The following KIF23 variants were observed in gnomAD, a reference collection of about 807,000 sequenced individuals.
The protein encoded by KIF23 is kinesin-like protein KIF23.
KIF23 carries 30 observed loss-of-function variants against 137.5 expected under a neutral mutation model. The ratio of observed to expected loss-of-function variants is 0.22; its 90% CI spans 0.16 to 0.30. The LOEUF is 0.30. Among genes scored for constraint, KIF23 ranks in the 10% least tolerant of loss-of-function variants. KIF23 has a pLI of 1.00. For missense variants in KIF23, 920 were observed against 1,194.3 expected (o/e 0.77, Z 3.38); for synonymous variants, 367 against 391.1 (o/e 0.94, Z 0.73).
intron 2 of KIF23, among the ~76,000 whole-genome samples, chr15:69,416,310 T>C (rs2056906134): frequency 6.6e-6 from 1 of 152,202 alleles, no homozygotes; most frequent in Admixed American, 6.5e-5. Context: ...CTTCTGTAAT[T>C]ATAATTTGGA....
In KIF23 at chr15:69,440,389, A is replaced by G. The variant is rs2140398952; in HGVS notation, c.2011A>G (p.Ile671Val). ...TGAAAAGCTGAAACAACTGAAGGCT[A>G]TTGTTACCGAACCTAAAACTGAGAA... ...KDEKLKQLKA[I>V]VTEPKTEKPE... The change falls in exon 18 of 24, where the codon ATT becomes GTT. Residue 671 changes from isoleucine to valine, a missense_variant. Ile to Val is a conservative substitution (Grantham distance 29). This residue lies in a region of KIF23 where 714 missense variants were observed against 866.2 expected (regional missense o/e 0.82). Transcript: ENST00000679126. The G allele has an allele frequency of 6.2e-7, 1 of 1,614,080 alleles. No homozygotes were observed. Among genetic ancestry groups the G allele is most frequent in the Non-Finnish European group, 8.5e-7 (1 of 1,179,996 alleles).
Position 69,414,358 on chromosome 15 carries a change from C to G in KIF23, c.-108C>G. 1 of 1,482,780 alleles carries G rather than the reference C, an allele frequency of 6.7e-7. No homozygotes were observed. The highest frequency in any genetic ancestry group is 1.2e-5 in the South Asian group (1 of 80,116). The allele number at this position is 1,482,780 out of a possible 1,614,324, so 91.9% of individuals were successfully genotyped here. On this transcript the variant is annotated 5_prime_UTR_variant, in exon 1 of 24. Transcript: ENST00000679126. ...CGTCGCCGCCGGCTTCGCAGAGCAC[C>G]GCGCCTTAGCCGCGAAGTTCTAGTT...
chr15:69,447,797 A>G lies in KIF23; in HGVS notation c.2915A>G (p.Lys972Arg). ...TGCTGGTTGTTATGTTTTAGGCGCA[A>G]AAAGCCATGAACTGACAGTCCCAGT... The part of the protein sequence containing the change: ...GYQHHAQPKR[K>R]KP The change falls in exon 24 of 24, where the codon AAA becomes AGA. Residue 972 changes from lysine to arginine, a missense_variant. This residue lies in a region of KIF23 where 75 missense variants were observed against 177.9 expected (regional missense o/e 0.42). Coordinates refer to ENST00000679126, the MANE Select transcript of KIF23 (RefSeq NM_001367805.3). The G allele has an allele frequency of 1.2e-6, 2 of 1,609,252 alleles. No individual in the cohort carries two copies. The highest frequency in any genetic ancestry group is 1.7e-6 in the Non-Finnish European group (2 of 1,176,494).
chr15:69,422,212 A>T, intron 5 of KIF23, 84 bp downstream of exon 5: 1 of 1,504,504 alleles, frequency 6.6e-7, no homozygotes. Flanking sequence ...GAACCAAAGC[A>T]CTGGATTCAT....
chr15:69,431,229 G>A (rs1039716283), intron 11 of KIF23, among the ~76,000 whole-genome samples: 23 of 152,228 alleles, frequency 1.5e-4, no homozygotes, highest in Admixed American at 6.5e-5. Flanking sequence ...ATTTATGCAA[G>A]TGAAAGTGCC....
chr15:69,429,133 G>C lies in KIF23; in HGVS notation c.1034G>C (p.Ser345Thr), dbSNP rs775809528. 7.4e-6 allele frequency: 12 copies of C among 1,612,786 alleles called. No homozygotes were observed. In the South Asian group the frequency reaches 9.9e-5, roughly 13 times the overall value. Residue 345 changes from serine to threonine, a missense_variant, in exon 11 of 24, where the codon AGT becomes ACT. By Grantham distance (58) the Ser-to-Thr change is moderately conservative. This residue lies in a region of KIF23 where 714 missense variants were observed against 866.2 expected (regional missense o/e 0.82). Transcript: ENST00000679126. ...TAGGAAAAAGAACAAATCACTATAA[G>C]TCAGTTGTCCTTGGTAGATCTTGCT... ...VLQEKEQITI[S>T]QLSLVDLAGS...
At chr15:69,428,674 A>C (rs565764867) in intron 10 of KIF23, among the ~76,000 whole-genome samples, 70 of 151,620 alleles carry the variant, frequency 4.6e-4, no homozygotes, top group African/African-American at 1.4e-3. Context: ...AAAAAAAAAA[A>C]AAAAAAAAAA....
rs1280206478 is a variant in KIF23, at chr15:69,440,193, ACTCT to A, written c.1930-113_1930-110del. 3 of 1,492,606 alleles carry A rather than the reference ACTCT, an allele frequency of 2.0e-6. No individual in the cohort carries two copies. In the African/African-American group the frequency reaches 4.2e-5, roughly 21 times the overall value. The allele number at this position is 1,492,606 out of a possible 1,614,324, so 92.5% of individuals were successfully genotyped here. Reference sequence around the variant, plus strand: ...GGTAGGGTTTTGGTGGTGGTTGTTAACTCTCAGGAAGAATTGGAGAACTGTCATT... The same window carrying A: ...GGTAGGGTTTTGGTGGTGGTTGTTAACAGGAAGAATTGGAGAACTGTCATT... On this transcript the variant is annotated intron_variant, in intron 17 of 23. Transcript: ENST00000679126.
At chr15:69,415,478 C>T (rs571861839) in intron 1 of KIF23, among the ~76,000 whole-genome samples, 1 of 152,164 alleles carries the variant, frequency 6.6e-6, no homozygotes, top group Non-Finnish European at 1.5e-5. Flanking sequence ...TTTTGATTGC[C>T]CCTACTTAAG....
intron 3 of KIF23, among the ~76,000 whole-genome samples, chr15:69,420,811 A>G (rs746812397): frequency 6.6e-6 from 1 of 151,760 alleles, no homozygotes; most frequent in Non-Finnish European, 1.5e-5. Context: ...AAAATTTTTT[A>G]TTAGATGAGC....
At chr15:69,443,344 T>G (rs1277135116) in intron 19 of KIF23, among the ~76,000 whole-genome samples, 23 of 132,124 alleles carry the variant, frequency 1.7e-4, no homozygotes, top group African/African-American at 5.4e-4. Flanking sequence ...TTTTTTTTTT[T>G]TTTTTTTTTT....
Position 69,426,123 on chromosome 15 carries a change from C to T in KIF23, c.830C>T (p.Ala277Val), listed in dbSNP as rs777031899. 1.2e-5 allele frequency: 20 copies of T among 1,607,754 alleles called. No individual in the cohort carries two copies. The highest frequency in any genetic ancestry group is 2.2e-5 in the South Asian group (2 of 89,572). ...REDKNHNMYV[A>V]GCTEVEVKST... Reference sequence around the variant, plus strand: ...GATAAGAACCATAACATGTATGTTGCAGGATGTACAGAAGTTGAAGTGAAA... The same window carrying T: ...GATAAGAACCATAACATGTATGTTGTAGGATGTACAGAAGTTGAAGTGAAA... The change falls in exon 9 of 24, where the codon GCA (alanine) becomes GTA (valine). Residue 277 changes from alanine (A) to valine (V), a missense_variant. Ala to Val is a moderately conservative substitution (Grantham distance 64, BLOSUM62 0). This residue lies in a region of KIF23 where 714 missense variants were observed against 866.2 expected (regional missense o/e 0.82). Coordinates refer to ENST00000679126, the MANE Select transcript of KIF23 (RefSeq NM_001367805.3).
intron 19 of KIF23, among the ~76,000 whole-genome samples, chr15:69,443,391 T>G (rs578259272): frequency 7.8e-6 from 1 of 127,784 alleles, no homozygotes; most frequent in African/African-American, 3.0e-5. Flanking sequence ...CAGGCTGGAG[T>G]GCAGTGGTGT....
chr15:69,435,618 TG>T, intron 12 of KIF23, 33 bp from the exon 13 acceptor site: 2 of 1,612,516 alleles, frequency 1.2e-6, no homozygotes, highest in South Asian at 2.2e-5. Flanking sequence ...GCATTTTTTT[TG>T]CGTAACACAT....
At position 69,425,202 on chromosome 15, in the gene KIF23, T is replaced by C; in HGVS notation, c.735-80T>C. On this transcript the variant is annotated intron_variant, in intron 7 of 23. Coordinates refer to ENST00000679126, the MANE Select transcript of KIF23 (RefSeq NM_001367805.3). ...TTTTTAAGATATGACTCATTGTGATTGTCACATAGTCTGGACTGAACATGT... is the reference window on the plus strand; with the variant it reads ...TTTTTAAGATATGACTCATTGTGATCGTCACATAGTCTGGACTGAACATGT... 3.8e-6 allele frequency: 4 copies of C among 1,048,968 alleles called. No individual in the cohort carries two copies. In the South Asian group the frequency reaches 5.8e-5, roughly 15 times the overall value. The allele number at this position is 1,048,968 out of a possible 1,614,324, so 65.0% of individuals were successfully genotyped here.
intron 10 of KIF23, chr15:69,426,749 A>G (rs1370702656): frequency 1.3e-5 from 4 of 304,358 alleles, no homozygotes; most frequent in Non-Finnish European, 2.5e-5. Context: ...GAGAGGTTTT[A>G]TTGCAATGAA....
intron 20 of KIF23, 62 bp from the exon 21 acceptor site, chr15:69,445,947 A>G: frequency 1.2e-5 from 13 of 1,111,340 alleles, no homozygotes; most frequent in Non-Finnish European, 1.5e-5. Flanking sequence ...TTTGAAATAT[A>G]TATGTGTGTT....
At position 69,447,971 on chromosome 15, in the gene KIF23, G is replaced by C. The variant is rs1427424517; in HGVS notation, c.*164G>C. ...TGACCCAGAGCAAAGCTTTCCCTAT[G>C]GTTCCAAAGACAACTAGTATTCAAC... On this transcript the variant is annotated 3_prime_UTR_variant, in exon 24 of 24. Coordinates refer to ENST00000679126, the MANE Select transcript of KIF23 (RefSeq NM_001367805.3). 6 of 515,056 alleles carry C rather than the reference G, an allele frequency of 1.2e-5. No homozygotes were observed. The East Asian group carries it at 1.5e-4, about 13-fold the overall frequency. The allele number at this position is 515,056 out of a possible 1,614,324, so 31.9% of individuals were successfully genotyped here.
At chr15:69,442,661 C>G (rs868438962) in intron 19 of KIF23, among the ~76,000 whole-genome samples, 27 of 152,100 alleles carry the variant, frequency 1.8e-4, no homozygotes, top group African/African-American at 6.3e-4. Context: ...AATGGTCATT[C>G]TGACCAACTC....
Sources: gnomAD v4.1 joint callset for allele counts (sites outside exome capture counted in the v4.1 genomes callset) on GRCh38, gnomAD v4.1.1 for gene constraint, gnomAD v4.1.1 regional missense constraint, MANE v1.5 for transcripts, NCBI Gene and HGNC (gene_info 2026-07-23, HGNC 2026-07-21) for gene names.